SNRNP40: variants seen among roughly 807,000 people sequenced by gnomAD.
SNRNP40 encodes U5 small nuclear ribonucleoprotein 40 kDa protein.
A neutral mutation model predicts 45.8 loss-of-function variants in SNRNP40; 21 were observed. The ratio of observed to expected loss-of-function variants is 0.46; its 90% CI spans 0.32 to 0.66. The LOEUF (loss-of-function observed/expected upper bound fraction) is 0.66. Among genes scored for constraint, SNRNP40 ranks in the 30% least tolerant of loss-of-function variants. SNRNP40 has a pLI of 0.03. For synonymous variants in SNRNP40, 142 were observed against 163.8 expected (o/e 0.87, Z 1.01); for missense variants, 344 against 439.1 (o/e 0.78, Z 1.94).
intron 6 of SNRNP40, chr1:31,269,521 C>A: frequency 1.7e-6 from 1 of 592,908 alleles, no homozygotes; most frequent in Non-Finnish European, 2.5e-6. Flanking sequence ...GGGTGTGATA[C>A]TAATTTCAAA....
intron 5 of SNRNP40, 27 bp downstream of exon 5, chr1:31,281,347 G>A: frequency 1.3e-6 from 2 of 1,542,790 alleles, no homozygotes; most frequent in Non-Finnish European, 1.8e-6. Context: ...AGATGAAATG[G>A]AAATATATCA....
At chr1:31,293,721 A>G (rs1557681376) in intron 1 of SNRNP40, among the ~76,000 whole-genome samples, 1 of 152,136 alleles carries the variant, frequency 6.6e-6, no homozygotes, top group Non-Finnish European at 1.5e-5. Context: ...AGCCAGGACT[A>G]CAGGCATGAA....
intron 1 of SNRNP40, among the ~76,000 whole-genome samples, chr1:31,296,271 T>C (rs1646155673): frequency 6.6e-6 from 1 of 152,186 alleles, no homozygotes. Flanking sequence ...CCCTCATTCA[T>C]TCATTCTACA....
intron 4 of SNRNP40, among the ~76,000 whole-genome samples, chr1:31,286,317 T>G (rs749635708): frequency 6.6e-6 from 1 of 152,176 alleles, no homozygotes; most frequent in Non-Finnish European, 1.5e-5. Context: ...GAAATCAGCC[T>G]CCCATTAAAT....
intron 8 of SNRNP40, among the ~76,000 whole-genome samples, chr1:31,264,572 G>A (rs1645883348): frequency 6.6e-6 from 1 of 152,152 alleles, no homozygotes; most frequent in African/African-American, 2.4e-5. Flanking sequence ...TAACTTTGTT[G>A]AGAAAAATAA....
intron 5 of SNRNP40, among the ~76,000 whole-genome samples, chr1:31,272,631 A>T (rs536434102): frequency 6.6e-6 from 1 of 152,338 alleles, no homozygotes; most frequent in African/African-American, 2.4e-5. Context: ...AAGGATTATA[A>T]GAATGCTTAG....
intron 8 of SNRNP40, among the ~76,000 whole-genome samples, chr1:31,266,179 T>C (rs538851023): frequency 6.6e-6 from 1 of 152,290 alleles, no homozygotes; most frequent in South Asian, 2.1e-4. Context: ...AATTATTCAT[T>C]AATAGAAAGG....
At chr1:31,274,629 C>G (rs1223367128) in intron 5 of SNRNP40, among the ~76,000 whole-genome samples, 1 of 132,808 alleles carries the variant, frequency 7.5e-6, no homozygotes, top group Non-Finnish European at 1.6e-5. Flanking sequence ...CTAATCTATC[C>G]TTTTAACCAT....
chr1:31,295,385 A>G lies in SNRNP40; in HGVS notation c.141+1226T>C, dbSNP rs563489650. Among the ~76,000 whole-genome samples the G allele has an allele frequency of 5.3e-5, 8 of 152,342 alleles. No homozygotes were observed. In the South Asian group the frequency reaches 1.7e-3, roughly 32 times the overall value. ...GAGAGAGAGAAGCAATGTGGGTTCC[A>G]CAGTATGTGGTACTGCAATTTAAAA... On this transcript the variant is annotated intron_variant, in intron 1 of 9. Transcript: ENST00000263694.
intron 8 of SNRNP40, 179 bp from the exon 9 acceptor site, chr1:31,261,811 T>G: frequency 2.1e-6 from 1 of 469,748 alleles, no homozygotes; most frequent in Non-Finnish European, 3.8e-6. Flanking sequence ...ACTCACCTCT[T>G]GAGCAATGGG....
intron 8 of SNRNP40, among the ~76,000 whole-genome samples, chr1:31,265,309 TTA>T (rs1468137140): frequency 4.0e-5 from 6 of 151,896 alleles, no homozygotes; most frequent in African/African-American, 1.4e-4. Context: ...AATATTTTTT[TTA>T]TAGAGACAGG....
chr1:31,296,518 G>A (rs1368655358), intron 1 of SNRNP40, 93 bp downstream of exon 1: 25 of 1,444,514 alleles, frequency 1.7e-5, no homozygotes, highest in Non-Finnish European at 2.1e-5. Flanking sequence ...TTCTGCCCCC[G>A]CAATGCGGGA....
intron 6 of SNRNP40, among the ~76,000 whole-genome samples, chr1:31,269,833 T>C (rs187104889): frequency 6.6e-6 from 1 of 152,288 alleles, no homozygotes; most frequent in Non-Finnish European, 1.5e-5. Context: ...ACAGTGAGAT[T>C]GTTTGTGTCT....
intron 4 of SNRNP40, among the ~76,000 whole-genome samples, chr1:31,285,293 G>C (rs1646049867): frequency 7.0e-6 from 1 of 143,688 alleles, no homozygotes; most frequent in East Asian, 2.0e-4. Context: ...GCTCATTCTG[G>C]AGTGCAGTGG....
intron 5 of SNRNP40, among the ~76,000 whole-genome samples, chr1:31,273,370 G>A (rs1025172787): frequency 1.3e-5 from 2 of 152,012 alleles, no homozygotes; most frequent in African/African-American, 4.8e-5. Context: ...CTACAGCAGG[G>A]GTGGCTCACT....
rs1330451969 is a variant in SNRNP40, at chr1:31,281,485, G to C, written c.543C>G (p.Ile181Met). The C allele has an allele frequency of 6.2e-7, 1 of 1,605,236 alleles. No homozygotes were observed. The highest frequency in any genetic ancestry group is 1.1e-5 in the South Asian group (1 of 90,678). The change falls in exon 5 of 10, where the codon ATC becomes ATG. Residue 181 changes from isoleucine to methionine, a missense_variant. Coordinates refer to ENST00000263694, the MANE Select transcript of SNRNP40 (RefSeq NM_004814.3). ...ATGTCTGGATGGCTGCTTTCTTCCGGATGTCCCAAAGCTGAAGCAAAGGAC... is the reference window on the plus strand; with the variant it reads ...ATGTCTGGATGGCTGCTTTCTTCCGCATGTCCCAAAGCTGAAGCAAAGGAC... ...SDDGTVKLWD[I>M]RKKAAIQTFQ...
chr1:31,291,344 T>A (rs2148391507), intron 3 of SNRNP40, among the ~76,000 whole-genome samples: 1 of 152,018 alleles, frequency 6.6e-6, no homozygotes, highest in South Asian at 2.1e-4. Flanking sequence ...TAGACTATTT[T>A]TTCATCTTTC....
At chr1:31,289,163 T>C (rs912853636) in intron 4 of SNRNP40, 91 bp downstream of exon 4, 2 of 1,216,184 alleles carry the variant, frequency 1.6e-6, no homozygotes, top group Non-Finnish European at 2.3e-6. Context: ...AAATTAAGTT[T>C]TGCACAGGAA....
intron 6 of SNRNP40, 59 bp from the exon 7 acceptor site, chr1:31,269,299 TG>T: frequency 6.2e-7 from 1 of 1,602,240 alleles, no homozygotes; most frequent in Non-Finnish European, 8.5e-7. Flanking sequence ...AGAGGCCTCC[TG>T]GGCACCCAGC....
Sources: gnomAD v4.1 joint callset for allele counts (sites outside exome capture counted in the v4.1 genomes callset) on GRCh38, gnomAD v4.1.1 for gene constraint, MANE v1.5 for transcripts, NCBI Gene and HGNC (gene_info 2026-07-23, HGNC 2026-07-21) for gene names.